SCAPER: variants seen among roughly 807,000 people sequenced by gnomAD.
The protein encoded by SCAPER is S phase cyclin A-associated protein in the endoplasmic reticulum.
SCAPER carries 98 observed loss-of-function variants against 182.2 expected under a neutral mutation model. The observed-to-expected ratio is 0.54, with a 90% CI of 0.46 to 0.64. SCAPER has a LOEUF of 0.64. Among genes scored for constraint, SCAPER ranks in the 30% least tolerant of loss-of-function variants. The pLI is 0.00. For synonymous variants in SCAPER, 605 were observed against 564.6 expected (o/e 1.07, Z -1.01); for missense variants, 1,432 against 1,690.0 (o/e 0.85, Z 2.68).
chr15:76,728,749 A>G lies in SCAPER; in HGVS notation c.2023-12T>C. On this transcript the variant is annotated splice_polypyrimidine_tract_variant and intron_variant, in intron 16 of 31. Transcript: ENST00000563290. The stretch of plus-strand genomic sequence containing the variant: ...GCTCTCTTGCGTTCCTAATGTTAGA[A>G]ATATTTGTTTCCAATATTAGAATTA... 5 of 1,600,760 alleles carry G rather than the reference A, an allele frequency of 3.1e-6. No individual in the cohort carries two copies. The highest frequency in any genetic ancestry group is 4.3e-6 in the Non-Finnish European group (5 of 1,175,756).
At chr15:76,692,523 T>C (rs1016366053) in intron 20 of SCAPER, among the ~76,000 whole-genome samples, 3 of 151,878 alleles carry the variant, frequency 2.0e-5, no homozygotes, top group Non-Finnish European at 4.4e-5. Flanking sequence ...ACCTCATCTC[T>C]ATTAAAAATA....
At chr15:76,370,408 G>A (rs758161693) in intron 29 of SCAPER, among the ~76,000 whole-genome samples, 1 of 149,128 alleles carries the variant, frequency 6.7e-6, no homozygotes, top group Non-Finnish European at 1.5e-5. Context: ...GGGTTCAAGC[G>A]ATTCTCCTGC....
At chr15:76,494,453 C>T (rs748231589) in intron 24 of SCAPER, among the ~76,000 whole-genome samples, 5 of 152,112 alleles carry the variant, frequency 3.3e-5, no homozygotes, top group African/African-American at 4.8e-5. Context: ...TAAACCAGTA[C>T]AAAAACACCC....
intron 24 of SCAPER, among the ~76,000 whole-genome samples, chr15:76,479,997 C>T (rs189593445): frequency 1.4e-3 from 217 of 152,306 alleles, no homozygotes; most frequent in African/African-American, 4.9e-3. Flanking sequence ...TATCAATTAT[C>T]GTTTTGCCCT....
chr15:76,832,749 C>T, intron 5 of SCAPER, among the ~76,000 whole-genome samples: 1 of 152,102 alleles, frequency 6.6e-6, no homozygotes, highest in South Asian at 2.1e-4. Context: ...TGTGTGGCAC[C>T]TCCCCCTCGC....
At chr15:76,703,470 A>T (rs992622004) in intron 18 of SCAPER, among the ~76,000 whole-genome samples, 1 of 152,216 alleles carries the variant, frequency 6.6e-6, no homozygotes. Context: ...ACAGCAGGCA[A>T]GGCCCATCAT....
chr15:76,843,318 G>T (rs145829943), intron 4 of SCAPER, among the ~76,000 whole-genome samples: 3 of 152,184 alleles, frequency 2.0e-5, no homozygotes, highest in African/African-American at 7.2e-5. Flanking sequence ...ATTTTATAAA[G>T]GGTTTTTGAA....
At chr15:76,542,812 T>C (rs2044889684) in intron 23 of SCAPER, among the ~76,000 whole-genome samples, 1 of 152,092 alleles carries the variant, frequency 6.6e-6, no homozygotes, top group African/African-American at 2.4e-5. Context: ...GTGCACCCTT[T>C]GTACGGTGCC....
intron 15 of SCAPER, among the ~76,000 whole-genome samples, chr15:76,739,717 C>T (rs2061449690): frequency 6.6e-6 from 1 of 152,078 alleles, no homozygotes; most frequent in Non-Finnish European, 1.5e-5. Context: ...TAGATGAAAC[C>T]ACAAAGACCA....
chr15:76,806,895 T>C (rs2066202342), intron 5 of SCAPER, among the ~76,000 whole-genome samples: 1 of 152,204 alleles, frequency 6.6e-6, no homozygotes, highest in Non-Finnish European at 1.5e-5. Flanking sequence ...CAACTGATTT[T>C]TGAGTGTCCA....
chr15:76,742,494 AG>A (rs1297111519), intron 15 of SCAPER, among the ~76,000 whole-genome samples: 532 of 107,928 alleles, frequency 4.9e-3, no homozygotes, highest in South Asian at 7.4e-3. Flanking sequence ...AAAAAAAAAA[AG>A]AATAAAAATA....
chr15:76,620,487 G>A (rs964300699), intron 22 of SCAPER, among the ~76,000 whole-genome samples: 1 of 152,032 alleles, frequency 6.6e-6, no homozygotes, highest in African/African-American at 2.4e-5. Context: ...CTTCTTTAAT[G>A]TTTTATATGG....
At chr15:76,801,312 T>C (rs1438518363) in intron 6 of SCAPER, among the ~76,000 whole-genome samples, 2 of 152,228 alleles carry the variant, frequency 1.3e-5, no homozygotes, top group East Asian at 1.9e-4. Flanking sequence ...TTTTTCCTTT[T>C]TAGTTGGAAA....
intron 26 of SCAPER, among the ~76,000 whole-genome samples, chr15:76,414,598 A>G (rs946443070): frequency 6.6e-6 from 1 of 152,196 alleles, no homozygotes; most frequent in Non-Finnish European, 1.5e-5. Flanking sequence ...ATTGTCAAGC[A>G]TGGAAAAGAC....
intron 28 of SCAPER, among the ~76,000 whole-genome samples, chr15:76,376,518 C>T (rs1448395363): frequency 6.6e-6 from 1 of 152,170 alleles, no homozygotes; most frequent in African/African-American, 2.4e-5. Flanking sequence ...TGAAAAGGGA[C>T]AGTAGTAGAC....
chr15:76,739,124 C>T (rs1598449997), intron 15 of SCAPER, among the ~76,000 whole-genome samples: 1 of 152,202 alleles, frequency 6.6e-6, no homozygotes, highest in Middle Eastern at 3.4e-3. Context: ...GGAGGATGTG[C>T]ATAAGTTATA....
chr15:76,648,342 C>G (rs563750993), intron 21 of SCAPER, among the ~76,000 whole-genome samples: 1 of 151,958 alleles, frequency 6.6e-6, no homozygotes, highest in South Asian at 2.1e-4. Flanking sequence ...TCACATAGGA[C>G]ACAGAACTAT....
intron 18 of SCAPER, 55 bp from the exon 19 acceptor site, chr15:76,703,057 A>G: frequency 6.7e-7 from 1 of 1,491,962 alleles, no homozygotes; most frequent in Non-Finnish European, 8.9e-7. Flanking sequence ...TTATGGTGAG[A>G]AATTGGAAAA....
intron 23 of SCAPER, among the ~76,000 whole-genome samples, chr15:76,536,742 A>G (rs2044199381): frequency 6.6e-6 from 1 of 152,074 alleles, no homozygotes; most frequent in Non-Finnish European, 1.5e-5. Flanking sequence ...AAGGAAATAA[A>G]GGGTATTCAA....
Sources: gnomAD v4.1 joint callset for allele counts (sites outside exome capture counted in the v4.1 genomes callset) on GRCh38, gnomAD v4.1.1 for gene constraint, MANE v1.5 for transcripts, NCBI Gene and HGNC (gene_info 2026-07-23, HGNC 2026-07-21) for gene names.